TOX2: variants seen among roughly 807,000 people sequenced by gnomAD.
TOX2 encodes the protein TOX high mobility group box family member 2.
Under a neutral mutation model 47.4 loss-of-function variants are expected in TOX2, and 15 were observed. That is an observed-to-expected ratio of 0.32 (90% CI 0.21 to 0.49). The LOEUF (loss-of-function observed/expected upper bound fraction) is 0.49. TOX2 is among the 20% of genes least tolerant of loss of function. The pLI, the probability that TOX2 is intolerant of heterozygous loss-of-function variation, is 0.99. For synonymous variants in TOX2, 290 were observed against 296.6 expected (o/e 0.98, Z 0.23); for missense variants, 622 against 673.1 (o/e 0.92, Z 0.84).
At chr20:44,011,099 G>T (rs925273176) in intron 3 of TOX2, among the ~76,000 whole-genome samples, 6 of 152,190 alleles carry the variant, frequency 3.9e-5, no homozygotes, top group African/African-American at 1.4e-4. Context: ...CTCTTCTAAG[G>T]ACATTTGTGA....
At chr20:44,025,353 C>T (rs114506420) in intron 3 of TOX2, among the ~76,000 whole-genome samples, 1,634 of 150,524 alleles carry the variant, frequency 0.011, 29 homozygotes, top group African/African-American at 0.038. Context: ...GTCCATTCGT[C>T]GTTGGCCAGA....
In TOX2 at chr20:43,973,378, C is replaced by G. The variant is rs1389145773; in HGVS notation, c.111C>G (p.Asp37Glu). ...DYYHGGKFDG[D>E]SAYVGMSDGN... ...TCTCTCTATTCTAGTTTGATGGTGA[C>G]AGTGCCTACGTGGGGATGAGTGACG... Residue 37 changes from aspartate to glutamate, a missense_variant, in exon 2 of 9, where the codon GAC (aspartate) becomes GAG (glutamate). Physicochemically the swap from Asp to Glu is conservative, Grantham distance 45. Coordinates refer to ENST00000341197, the MANE Select transcript of TOX2 (RefSeq NM_001098797.2). The G allele has an allele frequency of 6.2e-7, 1 of 1,613,980 alleles. No individual in the cohort carries two copies. The highest frequency in any genetic ancestry group is 1.3e-5 in the African/African-American group (1 of 74,920).
intron 1 of TOX2, among the ~76,000 whole-genome samples, chr20:43,966,509 G>C (rs1203972144): frequency 1.3e-5 from 2 of 152,148 alleles, no homozygotes; most frequent in Admixed American, 6.5e-5. Flanking sequence ...TGTAATCCCA[G>C]CACTTTGGGA....
chr20:43,937,828 C>T (rs1301887321), intron 1 of TOX2, among the ~76,000 whole-genome samples: 1 of 152,176 alleles, frequency 6.6e-6, no homozygotes, highest in Non-Finnish European at 1.5e-5. Context: ...GAAGGCAGAT[C>T]AGGGGCTGTG....
intron 1 of TOX2, among the ~76,000 whole-genome samples, chr20:43,939,689 G>GTTAAGT (rs1249428346): frequency 1.1e-4 from 17 of 152,344 alleles, no homozygotes; most frequent in Admixed American, 2.0e-4. Context: ...CTGCAGCTTA[G>GTTAAGT]AAGCTGTGTG....
chr20:44,028,691 G>A (rs1348150975), intron 3 of TOX2, among the ~76,000 whole-genome samples: 1 of 152,170 alleles, frequency 6.6e-6, no homozygotes, highest in Non-Finnish European at 1.5e-5. Flanking sequence ...TCAGATGGGG[G>A]AGGAAAGGTT....
chr20:43,965,996 T>C (rs997647973), intron 1 of TOX2, among the ~76,000 whole-genome samples: 3 of 152,138 alleles, frequency 2.0e-5, no homozygotes, highest in African/African-American at 4.8e-5. Context: ...GGGATAGGAG[T>C]TGATATATCA....
chr20:43,986,394 G>A (rs1243212771), intron 2 of TOX2, among the ~76,000 whole-genome samples: 2 of 152,110 alleles, frequency 1.3e-5, no homozygotes, highest in African/African-American at 4.8e-5. Context: ...TGATTCTCCT[G>A]TCTCAGCCTC....
At chr20:43,942,913 C>T (rs139124709) in intron 1 of TOX2, among the ~76,000 whole-genome samples, 43 of 152,284 alleles carry the variant, frequency 2.8e-4, no homozygotes, top group African/African-American at 9.9e-4. Context: ...TGCTGAGTTT[C>T]TTCATGGTGC....
At chr20:44,016,484 A>G (rs1293578055) in intron 3 of TOX2, among the ~76,000 whole-genome samples, 1 of 151,914 alleles carries the variant, frequency 6.6e-6, no homozygotes, top group Admixed American at 6.6e-5. Context: ...GGGGTTCCCA[A>G]CCTCGGCACC....
chr20:43,955,371 G>C (rs2069650115), intron 1 of TOX2: 1 of 934,328 alleles, frequency 1.1e-6, no homozygotes, highest in African/African-American at 1.8e-5. Flanking sequence ...CCCTTGGCTG[G>C]CTTCTGGTTT....
At chr20:43,991,587 A>T (rs915596573) in intron 2 of TOX2, among the ~76,000 whole-genome samples, 1 of 151,286 alleles carries the variant, frequency 6.6e-6, no homozygotes, top group African/African-American at 2.4e-5. Context: ...TGGAATTTAT[A>T]TCCTAGTGAA....
chr20:43,992,862 A>C (rs973483493), intron 2 of TOX2, among the ~76,000 whole-genome samples: 1 of 148,666 alleles, frequency 6.7e-6, no homozygotes, highest in Non-Finnish European at 1.5e-5. Flanking sequence ...AAAAAAAAAA[A>C]AAAAGAAAAA....
At chr20:44,014,586 C>A (rs1292155525) in intron 3 of TOX2, among the ~76,000 whole-genome samples, 1 of 152,158 alleles carries the variant, frequency 6.6e-6, no homozygotes, top group Non-Finnish European at 1.5e-5. Context: ...CCCTGTGACC[C>A]AGATCAAGGG....
At chr20:43,961,189 C>T (rs1411079115) in intron 1 of TOX2, among the ~76,000 whole-genome samples, 1 of 152,176 alleles carries the variant, frequency 6.6e-6, no homozygotes, top group Non-Finnish European at 1.5e-5. Flanking sequence ...AGGAGGACAG[C>T]ACAGGAGTTG....
intron 1 of TOX2, among the ~76,000 whole-genome samples, chr20:43,926,397 C>T (rs2069168231): frequency 6.6e-6 from 1 of 152,170 alleles, no homozygotes; most frequent in Admixed American, 6.5e-5. Context: ...TATCCTGACA[C>T]TTATAAGCTG....
rs772669848 is a variant in TOX2, at chr20:44,051,551, T to C, written c.651+6T>C. On this transcript the variant is annotated splice_donor_region_variant and intron_variant, in intron 4 of 8. Transcript: ENST00000341197. ...AGTCGGAAGTGCATTTCAAGGTATG[T>C]GCGGTGGAGGAACAGAGCCTGAAGC... The C allele has an allele frequency of 7.6e-6, 12 of 1,572,570 alleles. No individual in the cohort carries two copies. The highest frequency in any genetic ancestry group is 4.7e-5 in the South Asian group (4 of 85,296).
intron 2 of TOX2, among the ~76,000 whole-genome samples, chr20:43,995,333 C>T (rs577522325): frequency 6.6e-6 from 1 of 152,202 alleles, no homozygotes; most frequent in East Asian, 1.9e-4. Flanking sequence ...ACAAGCCTGA[C>T]AAAATTGCAT....
At chr20:44,058,844 G>T (rs567575341) in intron 5 of TOX2, among the ~76,000 whole-genome samples, 75 of 152,340 alleles carry the variant, frequency 4.9e-4, no homozygotes, top group African/African-American at 1.8e-3. Context: ...CTAGGGGAAG[G>T]GGGAGAACCC....
Sources: gnomAD v4.1 joint callset for allele counts (sites outside exome capture counted in the v4.1 genomes callset) on GRCh38, gnomAD v4.1.1 for gene constraint, MANE v1.5 for transcripts, NCBI Gene and HGNC (gene_info 2026-07-23, HGNC 2026-07-21) for gene names.